The following HDGFL2 variants were observed in gnomAD, a reference collection of about 807,000 sequenced individuals.
The protein encoded by HDGFL2 is hepatoma-derived growth factor-related protein 2.
HDGFL2 carries 36 observed loss-of-function variants against 77.1 expected under a neutral mutation model. The observed-to-expected ratio is 0.47, with a 90% confidence interval of 0.36 to 0.62. The LOEUF (loss-of-function observed/expected upper bound fraction) is 0.62, where lower values mean the gene tolerates loss of function less well. HDGFL2 is among the 20% of genes least tolerant of loss of function. The probability of loss-of-function intolerance (pLI) is 0.00; values close to 1 mark genes in which losing one functional copy is unlikely to be tolerated. For missense variants in HDGFL2, 976 were observed against 973.4 expected (o/e 1.00, Z -0.04); for synonymous variants, 463 against 413.1 (o/e 1.12, Z -1.46).
intron 6 of HDGFL2, among the ~76,000 whole-genome samples, chr19:4,493,365 A>G (rs956561158): frequency 1.3e-5 from 2 of 150,350 alleles, no homozygotes; most frequent in Non-Finnish European, 3.0e-5. Flanking sequence ...GAGGCGGTAG[A>G]GCACGGCAGC....
intron 15 of HDGFL2, 150 bp from the exon 16 acceptor site, chr19:4,501,761 G>T (rs1322754320): frequency 1.4e-5 from 8 of 582,856 alleles, no homozygotes; most frequent in Non-Finnish European, 2.9e-6. Context: ...GTGGTCTCTA[G>T]TGGCAGAAGA....
intron 10 of HDGFL2, 101 bp from the exon 11 acceptor site, chr19:4,497,857 G>T (rs543815986): frequency 9.4e-7 from 1 of 1,066,010 alleles, no homozygotes; most frequent in South Asian, 1.5e-5. Flanking sequence ...CCTCCCAAAG[G>T]TTTCCTTTGC....
intron 3 of HDGFL2, among the ~76,000 whole-genome samples, chr19:4,484,530 C>T (rs189861807): frequency 1.7e-4 from 26 of 151,280 alleles, no homozygotes; most frequent in African/African-American, 6.3e-4. Flanking sequence ...ACAGAGTCTT[C>T]GCTCTGTTGC....
At chr19:4,481,095 C>T (rs1006892044) in intron 3 of HDGFL2, among the ~76,000 whole-genome samples, 1 of 151,642 alleles carries the variant, frequency 6.6e-6, no homozygotes, top group African/African-American at 2.4e-5. Flanking sequence ...GGTCTCTGCT[C>T]ACTACAAGCT....
At chr19:4,480,700 T>G (rs568234021) in intron 3 of HDGFL2, among the ~76,000 whole-genome samples, 84 of 151,634 alleles carry the variant, frequency 5.5e-4, no homozygotes, top group Admixed American at 2.0e-3. Flanking sequence ...GCCTGGGGGA[T>G]AGAGTGAGAC....
rs1459381755 is a variant in HDGFL2 at position 4,472,360 on chromosome 19, G to A, written c.10G>A (p.Ala4Thr). The A allele has an allele frequency of 1.3e-6, 2 of 1,493,782 alleles. No homozygotes were observed. The highest frequency in any genetic ancestry group is 8.9e-7 in the Non-Finnish European group (1 of 1,119,526). 92.5% of individuals were successfully genotyped at this position (1,493,782 alleles called of 1,614,324 possible). A position where few individuals can be genotyped will look rare whatever the true frequency, so the allele number is the denominator to read the frequency against. MPHAFKPGDLVFAK... is the reference protein window; with the variant it reads MPHTFKPGDLVFAK... ...GCCTCTCGCCGTCAGCATGCCACAC[G>A]CCTTCAAGCCCGGGGACTTGGTGTT... Residue 4 changes from alanine (A) to threonine (T), a missense_variant, in exon 1 of 16, where the codon GCC becomes ACC. Physicochemically the swap from Ala to Thr is moderately conservative, Grantham distance 58 (BLOSUM62 0). Around this residue, in one of 5 missense-constraint regions of HDGFL2, gnomAD observed 31 missense variants for 24.3 expected, o/e 1.27. Coordinates refer to ENST00000616600, the MANE Select transcript of HDGFL2 (RefSeq NM_001001520.3).
In HDGFL2 at chr19:4,496,352, G is replaced by C; in HGVS notation, c.1275G>C (p.Arg425Ser). 4.3e-6 allele frequency: 7 copies of C among 1,614,108 alleles called. No homozygotes were observed. Among genetic ancestry groups the C allele is most frequent in the Non-Finnish European group, 5.9e-6 (7 of 1,179,984 alleles). Residue 425 changes from arginine (R) to serine (S), a missense_variant, in exon 10 of 16, where the codon AGG becomes AGC. Arg to Ser is a moderately radical substitution (Grantham distance 110, BLOSUM62 -1). Transcript: ENST00000616600. ...KPQSSSTEPARKPGQKEKRVR... is the reference protein window; with the variant it reads ...KPQSSSTEPASKPGQKEKRVR... ...AGTCCTCAAGCACAGAGCCCGCCAG[G>C]AAACCTGGCCAGAAGGAGAAGAGAG...
chr19:4,491,468 A>G, intron 4 of HDGFL2, 98 bp from the exon 5 acceptor site: 3 of 991,068 alleles, frequency 3.0e-6, no homozygotes. Flanking sequence ...GAGAGGTTCC[A>G]GAGCTCAGCT....
In HDGFL2 at chr19:4,491,560, T is replaced by C; in HGVS notation, c.490-6T>C. On this transcript the variant is annotated splice_polypyrimidine_tract_variant and splice_region_variant and intron_variant, in intron 4 of 15. Coordinates refer to ENST00000616600, the MANE Select transcript of HDGFL2 (RefSeq NM_001001520.3). ...TCACTGAGCATTCAGGCCGTTCCCCTTCCAGATGTCGGTCTCGAAACGAGC... is the reference window on the plus strand; with the variant it reads ...TCACTGAGCATTCAGGCCGTTCCCCCTCCAGATGTCGGTCTCGAAACGAGC... 6.2e-7 allele frequency: 1 copy of C among 1,613,238 alleles called. No homozygotes were observed. The highest frequency in any genetic ancestry group is 8.5e-7 in the Non-Finnish European group (1 of 1,179,694).
chr19:4,479,644 T>C (rs1409593626), intron 3 of HDGFL2, among the ~76,000 whole-genome samples: 1 of 143,186 alleles, frequency 7.0e-6, no homozygotes, highest in Non-Finnish European at 1.5e-5. Flanking sequence ...TAGCCACGCT[T>C]ACACCTGTAA....
At chr19:4,473,854 G>A (rs990432383) in intron 1 of HDGFL2, among the ~76,000 whole-genome samples, 1 of 151,876 alleles carries the variant, frequency 6.6e-6, no homozygotes, top group African/African-American at 2.4e-5. Context: ...TTGAGGGTGG[G>A]GTGGTCCAAC....
chr19:4,496,906 CT>C (rs1331806165), intron 10 of HDGFL2: 5 of 386,452 alleles, frequency 1.3e-5, no homozygotes, highest in Non-Finnish European at 2.0e-5. Flanking sequence ...CTTGTTCTTG[CT>C]CTTTTGCACA....
intron 3 of HDGFL2, among the ~76,000 whole-genome samples, chr19:4,487,125 T>C (rs1174339529): frequency 2.6e-5 from 4 of 151,774 alleles, no homozygotes; most frequent in Non-Finnish European, 5.9e-5. Context: ...CCACCACGCC[T>C]GGCTAATTTT....
At chr19:4,493,928 T>C (rs967871257) in intron 7 of HDGFL2, 54 bp from the exon 8 acceptor site, 1 of 1,553,966 alleles carries the variant, frequency 6.4e-7, no homozygotes, top group African/African-American at 1.4e-5. Flanking sequence ...GGCAGTCCCC[T>C]GGTCACCTTG....
intron 3 of HDGFL2, among the ~76,000 whole-genome samples, chr19:4,485,465 G>A (rs538325849): frequency 2.0e-5 from 3 of 152,150 alleles, no homozygotes; most frequent in South Asian, 2.1e-4. Flanking sequence ...TTGGCCAGGC[G>A]TGGTGGCTCA....
Position 4,493,844 on chromosome 19 carries a change from C to T in HDGFL2, c.820C>T (p.Pro274Ser). The change falls in exon 7 of 16, where the codon CCG becomes TCG. Residue 274 changes from proline (P) to serine (S), a missense_variant. This residue lies in a region of HDGFL2 where 567 missense variants were observed against 534.7 expected (regional missense o/e 1.06). Transcript: ENST00000616600. ...SDSDVSVKKP[P>S]RGRKPAEKPL... ...CTCCGATGTGTCTGTGAAGAAGCCTCCGAGGGGCAGGAAGCCAGGTAGGGC... is the reference window on the plus strand; with the variant it reads ...CTCCGATGTGTCTGTGAAGAAGCCTTCGAGGGGCAGGAAGCCAGGTAGGGC... The T allele has an allele frequency of 6.6e-7, 1 of 1,514,332 alleles. No individual in the cohort carries two copies. The highest frequency in any genetic ancestry group is 8.9e-7 in the Non-Finnish European group (1 of 1,125,716). The allele number at this position is 1,514,332 out of a possible 1,614,324, so 93.8% of individuals were successfully genotyped here.
chr19:4,489,361 T>A (rs1203900975), intron 4 of HDGFL2, among the ~76,000 whole-genome samples: 2 of 151,884 alleles, frequency 1.3e-5, no homozygotes, highest in South Asian at 4.2e-4. Flanking sequence ...CCAGCAATTA[T>A]CCTGCCTGAG....
intron 6 of HDGFL2, among the ~76,000 whole-genome samples, chr19:4,492,520 TTG>T (rs1238869421): frequency 2.6e-5 from 4 of 152,016 alleles, no homozygotes; most frequent in South Asian, 2.1e-4. Flanking sequence ...GTGTCTGTGT[TTG>T]TGTGTCTGTG....
At chr19:4,492,765 GTC>G (rs906729101) in intron 6 of HDGFL2, among the ~76,000 whole-genome samples, 24 of 131,868 alleles carry the variant, frequency 1.8e-4, no homozygotes, top group African/African-American at 6.4e-4. Context: ...TGTCTGGTGT[GTC>G]TGTGTCTATG....
Sources: gnomAD v4.1 joint callset for allele counts (sites outside exome capture counted in the v4.1 genomes callset) on GRCh38, gnomAD v4.1.1 for gene constraint, gnomAD v4.1.1 regional missense constraint, MANE v1.5 for transcripts, NCBI Gene and HGNC (gene_info 2026-07-23, HGNC 2026-07-21) for gene names.